The following CES5A variants were observed in gnomAD, a reference collection of about 807,000 sequenced individuals.
The protein encoded by CES5A is carboxylesterase 5A.
CES5A carries 67 observed loss-of-function variants against 62.9 expected under a neutral mutation model. That is an observed-to-expected ratio of 1.07 (90% confidence interval 0.88 to 1.31). The LOEUF is 1.31. Among genes scored for constraint, CES5A ranks in the 50% most tolerant of loss-of-function variants. The pLI, the probability that CES5A is intolerant of heterozygous loss-of-function variation, is 0.00. For synonymous variants in CES5A, 296 were observed against 280.8 expected (o/e 1.05, Z -0.54); for missense variants, 748 against 708.5 (o/e 1.06, Z -0.63).
chr16:55,916,425 A>G (rs1019351516), intron 1 of CES5A, among the ~76,000 whole-genome samples: 3 of 152,152 alleles, frequency 2.0e-5, no homozygotes, highest in Admixed American at 6.5e-5. Context: ...CTATTTCCCA[A>G]AGTTAGCTTG....
At chr16:55,891,041 A>C (rs2033871273) in intron 1 of CES5A, among the ~76,000 whole-genome samples, 3 of 151,670 alleles carry the variant, frequency 2.0e-5, no homozygotes, top group Admixed American at 2.0e-4. Context: ...TATCTGCTCC[A>C]CCCTGACTCA....
intron 1 of CES5A, among the ~76,000 whole-genome samples, chr16:55,901,837 T>C: frequency 6.6e-6 from 1 of 152,202 alleles, no homozygotes; most frequent in East Asian, 1.9e-4. Flanking sequence ...TTTCCTCTTA[T>C]ATATCAGTGG....
At position 55,856,383 on chromosome 16, in the gene CES5A, G is replaced by T; in HGVS notation, c.1119C>A (p.Asn373Lys). ...NKSLALHLIQNILHIPPQYLH... is the reference protein window; with the variant it reads ...NKSLALHLIQKILHIPPQYLH... ...AGCCTCCCAAGCTACTCACCAGGAT[G>T]TTTTGTATCAGATGGAGGGCAAGGG... The change falls in exon 9 of 13, where the codon AAC (asparagine) becomes AAA (lysine). Residue 373 changes from asparagine to lysine, a missense_variant. Coordinates refer to ENST00000290567, the MANE Select transcript of CES5A (RefSeq NM_001143685.2). 1 of 1,614,080 alleles carries T rather than the reference G, an allele frequency of 6.2e-7. No individual in the cohort carries two copies. The highest frequency in any genetic ancestry group is 8.5e-7 in the Non-Finnish European group (1 of 1,179,944).
chr16:55,879,931 A>G (rs1457811832), upstream of CES5A, among the ~76,000 whole-genome samples: 1 of 152,220 alleles, frequency 6.6e-6, no homozygotes, highest in Non-Finnish European at 1.5e-5. Context: ...GAAATCCTAA[A>G]GATTGTCTTA....
rs1489886301 is a variant in CES5A, at chr16:55,849,639, C to T, written c.1408G>A (p.Asp470Asn). Residue 470 changes from aspartate to asparagine, a missense_variant, in exon 11 of 13, where the codon GAC becomes AAC. Coordinates refer to ENST00000290567, the MANE Select transcript of CES5A (RefSeq NM_001143685.2). ...FVFGGAFLKG[D>N]IVMFEGATEE... Reference sequence around the variant, plus strand: ...AGTCCCTTACCGAACATAACAATGTCCCCCTTCAGGAAGGCACCACCGAAC... The same window carrying T: ...AGTCCCTTACCGAACATAACAATGTTCCCCTTCAGGAAGGCACCACCGAAC... The T allele has an allele frequency of 2.5e-6, 4 of 1,613,962 alleles. No individual in the cohort carries two copies. The highest frequency in any genetic ancestry group is 1.1e-5 in the South Asian group (1 of 91,078).
At chr16:55,942,115 C>T (rs1220272056) in intron 2 of CES5A, among the ~76,000 whole-genome samples, 2 of 152,094 alleles carry the variant, frequency 1.3e-5, no homozygotes, top group Non-Finnish European at 1.5e-5. Context: ...AAGTGAAAAC[C>T]ATAAAGCTTC....
At position 55,846,753 on chromosome 16, in the gene CES5A, G is replaced by A. The variant is rs1490733890; in HGVS notation, c.1496+15C>T. 4 of 1,613,722 alleles carry A rather than the reference G, an allele frequency of 2.5e-6. No individual in the cohort carries two copies. The highest frequency in any genetic ancestry group is 2.2e-5 in the East Asian group (1 of 44,890). On this transcript the variant is annotated intron_variant, in intron 12 of 12. Coordinates refer to ENST00000290567, the MANE Select transcript of CES5A (RefSeq NM_001143685.2). The stretch of plus-strand genomic sequence containing the variant: ...CCCAGGCCTTGGCATGGGGGAGACC[G>A]GGAGGTTTACTTACCCGGTTCGAGC...
chr16:55,857,925 C>T (rs1365477820), intron 8 of CES5A, among the ~76,000 whole-genome samples: 14 of 152,160 alleles, frequency 9.2e-5, no homozygotes, highest in African/African-American at 3.1e-4. Flanking sequence ...GGCTGGGTAC[C>T]AGCCCATGCC....
At chr16:55,847,239 T>C (rs984149011) in intron 11 of CES5A, among the ~76,000 whole-genome samples, 51 of 151,132 alleles carry the variant, frequency 3.4e-4, no homozygotes, top group Admixed American at 2.8e-3. Context: ...TTCCCTCTTT[T>C]TCTTCTCTCT....
chr16:55,913,714 C>T (rs776644225), intron 1 of CES5A, among the ~76,000 whole-genome samples: 7 of 152,214 alleles, frequency 4.6e-5, no homozygotes, highest in African/African-American at 7.2e-5. Flanking sequence ...GTTTCAACCT[C>T]GCCAACTCAG....
chr16:55,943,349 G>A (rs2142481034), intron 2 of CES5A, among the ~76,000 whole-genome samples: 1 of 152,268 alleles, frequency 6.6e-6, no homozygotes, highest in Admixed American at 6.5e-5. Flanking sequence ...CGACTCCCAA[G>A]GTCACACACA....
chr16:55,927,909 G>C (rs1333253521), upstream of CES5A, among the ~76,000 whole-genome samples: 1 of 152,052 alleles, frequency 6.6e-6, no homozygotes, highest in Non-Finnish European at 1.5e-5. Context: ...AAAAAAATAT[G>C]GTATACATAT....
At position 55,856,262 on chromosome 16, in the gene CES5A, ATGAC is replaced by A. The variant is rs1433493957; in HGVS notation, c.1125+111_1125+114del. The A allele has an allele frequency of 1.0e-5, 9 of 866,134 alleles. No homozygotes were observed. The East Asian group carries it at 1.7e-4, about 16-fold the overall frequency. 53.7% of individuals were successfully genotyped at this position (866,134 alleles called of 1,614,324 possible). ...CCTATGCTTAGTAAAGGTCTATTGA[ATGAC>A]TGAGTGAGTGAGGAGTGTCTGTGCC... On this transcript the variant is annotated intron_variant, in intron 9 of 12. Coordinates refer to ENST00000290567, the MANE Select transcript of CES5A (RefSeq NM_001143685.2).
chr16:55,954,248 G>A (rs2034585839), intron 1 of CES5A, among the ~76,000 whole-genome samples: 1 of 152,196 alleles, frequency 6.6e-6, no homozygotes, highest in Non-Finnish European at 1.5e-5. Flanking sequence ...TGATCCAAAT[G>A]TGCCAGGCTT....
chr16:55,899,242 G>C (rs1244356066), intron 1 of CES5A, among the ~76,000 whole-genome samples: 1 of 152,146 alleles, frequency 6.6e-6, no homozygotes, highest in African/African-American at 2.4e-5. Context: ...GCACAGAATG[G>C]ACAGGTCCCT....
At chr16:55,950,152 G>A (rs1004265111) in intron 1 of CES5A, among the ~76,000 whole-genome samples, 6 of 152,160 alleles carry the variant, frequency 3.9e-5, no homozygotes, top group African/African-American at 1.2e-4. Flanking sequence ...GGAGAGACCT[G>A]CTACAAGAAA....
intron 1 of CES5A, among the ~76,000 whole-genome samples, chr16:55,884,823 C>T (rs116640460): frequency 0.01 from 1,544 of 152,200 alleles, 34 homozygotes; most frequent in African/African-American, 0.035. Flanking sequence ...AACTCCTTGG[C>T]TTAAGTGATC....
In CES5A at chr16:55,942,800, A is replaced by G. The variant is rs2034458718; in HGVS notation, c.160+6985T>C. On this transcript the variant is annotated intron_variant, in intron 2 of 13. Transcript: ENST00000521992. ...ATGTTTTCCATAGTAAAATAGATAA[A>G]CAAATAGTGGTATGTCCATACAATA... 2.6e-5 allele frequency among the ~76,000 whole-genome samples: 4 copies of G among 152,240 alleles called. No individual in the cohort carries two copies. In the South Asian group the frequency reaches 8.3e-4, roughly 31 times the overall value.
intron 9 of CES5A, among the ~76,000 whole-genome samples, chr16:55,853,247 A>G (rs142829903): frequency 2.5e-3 from 388 of 152,360 alleles, no homozygotes; most frequent in South Asian, 0.023. Context: ...TGGAAGAACC[A>G]TGATTCTTTC....
Sources: allele counts gnomAD v4.1 joint callset (sites outside exome capture counted in the v4.1 genomes callset), GRCh38; gene constraint gnomAD v4.1.1; transcripts MANE v1.5; gene names NCBI Gene and HGNC (gene_info 2026-07-23, HGNC 2026-07-21).